Variants in PLCB2 observed in about 807,000 individuals in gnomAD.
PLCB2 encodes the protein 1-phosphatidylinositol 4,5-bisphosphate phosphodiesterase beta-2.
PLCB2 carries 115 observed loss-of-function variants against 141.7 expected under a neutral mutation model. The observed-to-expected ratio is 0.81, with a 90% CI of 0.70 to 0.95. PLCB2 has a LOEUF of 0.95. PLCB2 is among the 40% of genes least tolerant of loss of function. The pLI, the probability that PLCB2 is intolerant of heterozygous loss-of-function variation, is 0.00. For synonymous variants in PLCB2, 603 were observed against 595.6 expected, an observed-to-expected ratio of 1.01 and a Z score of -0.18; for missense variants, 1,403 against 1,541.1, an observed-to-expected ratio of 0.91 and a Z score of 1.50.
Position 40,297,017 on chromosome 15 carries a change from C to T in PLCB2, c.1324-109G>A, listed in dbSNP as rs2305650. 5.0e-6 allele frequency: 5 copies of T among 991,982 alleles called. No homozygotes were observed. The Admixed American group carries it at 8.9e-5, about 18-fold the overall frequency. The allele number at this position is 991,982 out of a possible 1,614,324, so 61.4% of individuals were successfully genotyped here. On this transcript the variant is annotated intron_variant, in intron 13 of 31. Transcript: ENST00000260402. The surrounding 1 kb of genome is among the most constrained non-coding windows in gnomAD (Gnocchi z 4.2). Reference sequence around the variant, plus strand: ...GCCTCCCCCACTCCTCTTGACCTGCCTCTCACTACTGCTTATCATCCCCAT... The same window carrying T: ...GCCTCCCCCACTCCTCTTGACCTGCTTCTCACTACTGCTTATCATCCCCAT...
At position 40,297,568 on chromosome 15, in the gene PLCB2, T is replaced by C. The variant is rs1001538266; in HGVS notation, c.1276A>G (p.Thr426Ala). ...QQAKMAEYCR[T>A]IFGDMLLTEP... ...GTGAGCAGCATATCCCCAAAGATCG[T>C]CCGGCAATACTCAGCCATCTTAGCC... Residue 426 changes from threonine (T) to alanine (A), a missense_variant, in exon 13 of 32, where the codon ACG becomes GCG. Transcript: ENST00000260402. This position sits in a 1 kb window ranked among gnomAD's most constrained non-coding sequence, Gnocchi z 4.2. 2 of 1,614,146 alleles carry C rather than the reference T, an allele frequency of 1.2e-6. No individual in the cohort carries two copies. The highest frequency in any genetic ancestry group is 2.7e-5 in the African/African-American group (2 of 75,030).
At position 40,298,727 on chromosome 15, in the gene PLCB2, C is replaced by T. The variant is rs769053421; in HGVS notation, c.851-19G>A. ...AGCTGGCCTGGGGGACAGGAGATAGCTGTCAGGCTACAACCCCGCTGCCAA... is the reference window on the plus strand; with the variant it reads ...AGCTGGCCTGGGGGACAGGAGATAGTTGTCAGGCTACAACCCCGCTGCCAA... On this transcript the variant is annotated intron_variant, in intron 9 of 31. Coordinates refer to ENST00000260402, the MANE Select transcript of PLCB2 (RefSeq NM_004573.3). 142 of 1,613,280 alleles carry T rather than the reference C, an allele frequency of 8.8e-5. No individual in the cohort carries two copies. Among genetic ancestry groups the T allele is most frequent in the Non-Finnish European group, 1.1e-4 (127 of 1,179,416 alleles).
At chr15:40,289,962 AGAGAGAGT>A (rs1374877432) in intron 30 of PLCB2, 55 bp downstream of exon 30, 69 of 618,278 alleles carry the variant, frequency 1.1e-4, no homozygotes, top group East Asian at 8.7e-4. Flanking sequence ...AGAGAGAGAG[AGAGAGAGT>A]GTGTGTGTGT....
intron 5 of PLCB2, 38 bp downstream of exon 5, chr15:40,302,232 C>T (rs1050637541): frequency 6.2e-7 from 1 of 1,613,770 alleles, no homozygotes; most frequent in African/African-American, 1.3e-5. Flanking sequence ...GGCTGGCATG[C>T]TCAGCACCAG....
chr15:40,296,242 A>T, intron 16 of PLCB2, 54 bp downstream of exon 16: 1 of 1,370,692 alleles, frequency 7.3e-7, no homozygotes, highest in Non-Finnish European at 1.0e-6. Flanking sequence ...AGTCCAAGGA[A>T]GGGGGAGATC....
intron 30 of PLCB2, 80 bp downstream of exon 30, chr15:40,289,944 AG>A (rs1566869326): frequency 1.9e-4 from 38 of 197,094 alleles, no homozygotes; most frequent in Middle Eastern, 8.0e-4. Flanking sequence ...AGAGAGAGAG[AG>A]AGAGAGAGAG....
At chr15:40,296,499 G>T (rs1297625083) in intron 15 of PLCB2, 23 bp downstream of exon 15, 1 of 1,613,762 alleles carries the variant, frequency 6.2e-7, no homozygotes, top group South Asian at 1.1e-5. Flanking sequence ...GACACAGAGG[G>T]GCCTGGGGCT....
Position 40,294,920 on chromosome 15 carries a change from C to G in PLCB2, c.1906+16G>C, listed in dbSNP as rs374843436. 3 of 1,613,902 alleles carry G rather than the reference C, an allele frequency of 1.9e-6. No individual in the cohort carries two copies. Among genetic ancestry groups the G allele is most frequent in the Non-Finnish European group, 2.5e-6 (3 of 1,179,938 alleles). On this transcript the variant is annotated intron_variant, in intron 18 of 31. Transcript: ENST00000260402. ...GGACCAGGGAAGGATTCTTAGGGGC[C>G]TGGGAATGCCCTCACCCATCGTCTG...
At chr15:40,292,019 G>A (rs1226752051) in intron 23 of PLCB2, 45 bp downstream of exon 23, 1 of 1,605,682 alleles carries the variant, frequency 6.2e-7, no homozygotes, top group African/African-American at 1.3e-5. Context: ...CATAAATAGG[G>A]CTAATCTCTG....
At chr15:40,293,495 C>T (rs1566876720) in intron 20 of PLCB2, 65 bp downstream of exon 20, 25 of 1,507,494 alleles carry the variant, frequency 1.7e-5, no homozygotes, top group Middle Eastern at 3.4e-4. Flanking sequence ...TTGTTTACTT[C>T]CTCTTGTCTG....
intron 21 of PLCB2, 85 bp downstream of exon 21, chr15:40,292,841 T>C: frequency 1.2e-6 from 1 of 827,626 alleles, no homozygotes; most frequent in Non-Finnish European, 2.0e-6. Context: ...AAGGCCTCAC[T>C]CCAGGCCCCC....
At chr15:40,306,088 G>T (rs2040781637) in intron 1 of PLCB2, among the ~76,000 whole-genome samples, 1 of 152,328 alleles carries the variant, frequency 6.6e-6, no homozygotes, top group African/African-American at 2.4e-5. Flanking sequence ...TGGCCAGGGG[G>T]AGAGCTTCTC....
At chr15:40,300,577 T>A (rs2040452890) in intron 7 of PLCB2, 1 of 152,044 alleles carries the variant, frequency 6.6e-6, no homozygotes, top group Non-Finnish European at 1.5e-5. Context: ...TATTAGGTGG[T>A]AAAAAGGAAT....
intron 7 of PLCB2, among the ~76,000 whole-genome samples, chr15:40,299,499 A>C (rs944757164): frequency 1.3e-5 from 2 of 152,236 alleles, no homozygotes; most frequent in Non-Finnish European, 2.9e-5. Context: ...AATGAGGTAG[A>C]AAAGAGGTCA....
In PLCB2 at chr15:40,296,639, C is replaced by T; in HGVS notation, c.1487-5G>A. The T allele has an allele frequency of 1.9e-6, 3 of 1,613,236 alleles. No individual in the cohort carries two copies. Among genetic ancestry groups the T allele is most frequent in the Non-Finnish European group, 2.5e-6 (3 of 1,179,810 alleles). On this transcript the variant is annotated splice_polypyrimidine_tract_variant and splice_region_variant and intron_variant, in intron 14 of 31. Transcript: ENST00000260402. ...TCCCTTCCTCGCCAGCCCACACTGC[C>T]ACATACAGCTCTGTCGGCACTGGCT...
chr15:40,307,867 C>T lies in PLCB2; in HGVS notation c.-195G>A, dbSNP rs947391193. The T allele has an allele frequency of 2.5e-6, 1 of 402,534 alleles. No homozygotes were observed. Among genetic ancestry groups the T allele is most frequent in the Admixed American group, 4.4e-5 (1 of 22,482 alleles). The allele number at this position is 402,534 out of a possible 1,614,324, so 24.9% of individuals were successfully genotyped here. A position where few individuals can be genotyped will look rare whatever the true frequency, so the allele number is the denominator to read the frequency against. ...CAGGACTGAGCTGTAGCCAGAGGCCCATCTGCCTTGTAAATCACCCTCCTC... is the reference window on the plus strand; with the variant it reads ...CAGGACTGAGCTGTAGCCAGAGGCCTATCTGCCTTGTAAATCACCCTCCTC... On this transcript the variant is annotated 5_prime_UTR_variant, in exon 1 of 32. It removes an upstream start codon present in the reference 5' UTR. Transcript: ENST00000260402.
At chr15:40,294,494 C>T in intron 18 of PLCB2, 74 bp from the exon 19 acceptor site, 1 of 1,522,062 alleles carries the variant, frequency 6.6e-7, no homozygotes, top group East Asian at 2.3e-5. Context: ...CCTCCATTCC[C>T]AGCCTTTGCT....
Position 40,298,301 on chromosome 15 carries a change from G to C in PLCB2, c.1077C>G (p.Asp359Glu), listed in dbSNP as rs376264542. The change falls in exon 11 of 32, where the codon GAC becomes GAG. Residue 359 changes from aspartate to glutamate, a missense_variant. Around this residue, in one of 4 missense-constraint regions of PLCB2, gnomAD observed 975 missense variants for 1,141.1 expected, o/e 0.85. Transcript: ENST00000260402. ...LLSGCRCVEL[D>E]CWKGKPPDEE... Reference sequence around the variant, plus strand: ...CGTCAGGGGGTTTCCCCTTCCAGCAGTCTAGCTCCACGCAACGGCAGCCAG... The same window carrying C: ...CGTCAGGGGGTTTCCCCTTCCAGCACTCTAGCTCCACGCAACGGCAGCCAG... The C allele has an allele frequency of 1.2e-6, 2 of 1,607,502 alleles. No homozygotes were observed. The highest frequency in any genetic ancestry group is 1.7e-6 in the Non-Finnish European group (2 of 1,175,590).
At position 40,288,811 on chromosome 15, in the gene PLCB2, G is replaced by T. The variant is rs1182543461; in HGVS notation, c.3462C>A (p.Ala1154=). 2.5e-6 allele frequency: 4 copies of T among 1,613,890 alleles called. No homozygotes were observed. Among genetic ancestry groups the T allele is most frequent in the Admixed American group, 1.7e-5 (1 of 60,012 alleles). The change falls in exon 32 of 32, where the codon GCC becomes GCA. Residue 1154 remains alanine, a synonymous_variant. Transcript: ENST00000260402. ...ACLRTCFPSE[A]KDKPERACEC... ...CGCAGGCCCTCTCAGGCTTGTCCTT[G>T]GCCTCGGAGGGAAAGCAGGTCCTGA... is the stretch of plus-strand genomic sequence containing the variant.
Sources: gnomAD v4.1 joint callset for allele counts (sites outside exome capture counted in the v4.1 genomes callset) on GRCh38, gnomAD v4.1.1 for gene constraint, gnomAD v4.1.1 regional missense constraint, Gnocchi (gnomAD v3.1) non-coding constraint, MANE v1.5 for transcripts, NCBI Gene and HGNC (gene_info 2026-07-23, HGNC 2026-07-21) for gene names.